DPP6: variants seen among roughly 807,000 people sequenced by gnomAD.
DPP6 encodes the protein A-type potassium channel modulatory protein DPP6.
A neutral mutation model predicts 122.6 loss-of-function variants in DPP6; 69 were observed. The observed-to-expected ratio is 0.56, with a 90% CI of 0.46 to 0.69. DPP6 has a LOEUF of 0.69. Among genes scored for constraint, DPP6 ranks in the 30% least tolerant of loss-of-function variants. The pLI, the probability that DPP6 is intolerant of heterozygous loss-of-function variation, is 0.00. For synonymous variants in DPP6, 418 were observed against 433.1 expected, an observed-to-expected ratio of 0.97 and a Z score of 0.43; for missense variants, 928 against 1,116.9, an observed-to-expected ratio of 0.83 and a Z score of 2.41.
chr7:154,101,652 G>C (rs1323340526), intron 1 of DPP6, among the ~76,000 whole-genome samples: 1 of 152,022 alleles, frequency 6.6e-6, no homozygotes, highest in Non-Finnish European at 1.5e-5. Context: ...GTTGGGCTGG[G>C]CACAGTGGCT....
chr7:154,264,806 A>C (rs1803273172), intron 1 of DPP6, among the ~76,000 whole-genome samples: 1 of 152,074 alleles, frequency 6.6e-6, no homozygotes, highest in South Asian at 2.1e-4. Flanking sequence ...GCTGGTGATA[A>C]TGGTGTTGAT....
intron 1 of DPP6, among the ~76,000 whole-genome samples, chr7:154,352,000 C>G (rs1810900263): frequency 6.6e-6 from 1 of 152,102 alleles, no homozygotes; most frequent in African/African-American, 2.4e-5. Context: ...TATAGCAATG[C>G]CTTCCTGTCC....
intron 1 of DPP6, among the ~76,000 whole-genome samples, chr7:154,166,765 G>A (rs1191173841): frequency 6.7e-6 from 1 of 148,352 alleles, no homozygotes; most frequent in Non-Finnish European, 1.5e-5. Flanking sequence ...ACAAAAATTA[G>A]CCAGGCATGG....
chr7:154,689,556 A>AT (rs59359798), intron 7 of DPP6, among the ~76,000 whole-genome samples: 1 of 151,982 alleles, frequency 6.6e-6, no homozygotes, highest in South Asian at 2.1e-4. Flanking sequence ...ACCTAGCTAG[A>AT]TTTTTTTAAC....
At chr7:154,380,600 T>C (rs1813511081) in intron 1 of DPP6, among the ~76,000 whole-genome samples, 1 of 152,232 alleles carries the variant, frequency 6.6e-6, no homozygotes, top group African/African-American at 2.4e-5. Flanking sequence ...CATATGTGTC[T>C]CTGCTAGAGC....
chr7:154,634,160 C>A (rs576811707), intron 5 of DPP6, among the ~76,000 whole-genome samples: 1 of 96,854 alleles, frequency 1.0e-5, no homozygotes, highest in Non-Finnish European at 1.9e-5. Flanking sequence ...ATCCCTCCCC[C>A]CTCCCCCCAC....
chr7:154,824,012 A>G (rs1432631244), intron 16 of DPP6, among the ~76,000 whole-genome samples: 1 of 152,214 alleles, frequency 6.6e-6, no homozygotes, highest in African/African-American at 2.4e-5. Flanking sequence ...TGAATTACCC[A>G]TTTTGAAAAG....
chr7:154,717,803 T>C (rs1172406159), intron 7 of DPP6, among the ~76,000 whole-genome samples: 3 of 152,196 alleles, frequency 2.0e-5, no homozygotes, highest in Admixed American at 6.5e-5. Flanking sequence ...AGCTCTATTT[T>C]TCATTTTTTA....
the DPP6 span, among the ~76,000 whole-genome samples, chr7:153,748,162 G>C: frequency 2.0e-5 from 3 of 152,192 alleles, no homozygotes; most frequent in South Asian, 2.1e-4. Context: ...GCTGTAGCTC[G>C]TGCAGCCTGT....
chr7:153,965,369 T>C (rs28431396), intron 1 of DPP6, among the ~76,000 whole-genome samples: 36,988 of 151,506 alleles, frequency 0.24, 4,834 homozygotes, highest in African/African-American at 0.33. Flanking sequence ...CCATTCCGGT[T>C]CCTCCTTAGG....
chr7:154,881,194 C>T (rs892416656), intron 21 of DPP6: 11 of 492,984 alleles, frequency 2.2e-5, no homozygotes, highest in Non-Finnish European at 3.3e-5. Context: ...CAGGAGAGCT[C>T]TAATACATTC....
chr7:153,785,547 A>G, the DPP6 span, among the ~76,000 whole-genome samples: 10 of 152,020 alleles, frequency 6.6e-5, no homozygotes, highest in South Asian at 2.1e-4. Flanking sequence ...ACTATGCTAT[A>G]TTTTTTAAAA....
At chr7:154,662,153 C>T (rs1261309510) in intron 6 of DPP6, among the ~76,000 whole-genome samples, 6 of 149,870 alleles carry the variant, frequency 4.0e-5, no homozygotes, top group Non-Finnish European at 3.0e-5. Context: ...ATCACCATGG[C>T]ATATTGGCCG....
At chr7:153,970,399 T>G (rs1795964711) in intron 1 of DPP6, among the ~76,000 whole-genome samples, 1 of 152,202 alleles carries the variant, frequency 6.6e-6, no homozygotes, top group African/African-American at 2.4e-5. Context: ...TACTGTCAAA[T>G]AAATGTTTTT....
rs73726171 is a variant in DPP6 at position 154,231,486 on chromosome 7, G to A, written c.243+178423G>A. On this transcript the variant is annotated intron_variant, in intron 1 of 25. Transcript: ENST00000377770. ...CGATGTAAGTGTCAGGATAACATCG[G>A]GCATGAGAGTCTGTTGCTGGGTCTA... Among the ~76,000 whole-genome samples the A allele has an allele frequency of 9.0e-3, 1,372 of 152,242 alleles. 27 individuals carry two copies. The highest frequency in any genetic ancestry group is 0.031 in the African/African-American group (1,305 of 41,538).
intron 1 of DPP6, among the ~76,000 whole-genome samples, chr7:153,964,713 G>C (rs536225753): frequency 2.6e-5 from 4 of 152,090 alleles, no homozygotes; most frequent in African/African-American, 7.3e-5. Flanking sequence ...GAGATGCCTG[G>C]CGAGAATCTG....
At chr7:154,376,458 G>A (rs1813139482) in intron 1 of DPP6, among the ~76,000 whole-genome samples, 2 of 152,144 alleles carry the variant, frequency 1.3e-5, no homozygotes, top group South Asian at 4.1e-4. Context: ...GTCATCGTGT[G>A]GGTAAAAGTG....
At chr7:154,739,348 ATC>A (rs1393841168) in intron 8 of DPP6, among the ~76,000 whole-genome samples, 2 of 152,200 alleles carry the variant, frequency 1.3e-5, no homozygotes, top group Admixed American at 1.3e-4. Context: ...ATGTTGGGGA[ATC>A]TCTCAGAATC....
chr7:154,600,880 T>G lies in DPP6; in HGVS notation c.627+33964T>G, dbSNP rs1431655858. Among the ~76,000 whole-genome samples, 4 of 118,612 alleles carry G rather than the reference T, an allele frequency of 3.4e-5. 1 individual carries two copies. Among genetic ancestry groups the G allele is most frequent in the Non-Finnish European group, 5.7e-5 (3 of 52,802 alleles). 77.8% of individuals were successfully genotyped at this position (118,612 alleles called of 152,430 possible). ...GCTGAGGCAGGTGGATCACCTGAGGTCAGGAGTTTGAGACCAGCCTGACCA... is the reference window on the plus strand; with the variant it reads ...GCTGAGGCAGGTGGATCACCTGAGGGCAGGAGTTTGAGACCAGCCTGACCA... On this transcript the variant is annotated intron_variant, in intron 5 of 25. Transcript: ENST00000377770.
Sources: allele counts gnomAD v4.1 joint callset (sites outside exome capture counted in the v4.1 genomes callset), GRCh38; gene constraint gnomAD v4.1.1; transcripts MANE v1.5; gene names NCBI Gene and HGNC (gene_info 2026-07-23, HGNC 2026-07-21).